The following PGBD2 variants were observed in gnomAD, a reference collection of about 807,000 sequenced individuals.
The protein encoded by PGBD2 is piggyBac transposable element derived 2.
A neutral mutation model predicts 8.1 loss-of-function variants in PGBD2; 6 were observed. The ratio of observed to expected loss-of-function variants is 0.74; its 90% CI spans 0.40 to 1.46. PGBD2 has a LOEUF of 1.46. Among genes scored for constraint, PGBD2 ranks in the 40% most tolerant of loss-of-function variants. PGBD2 has a pLI of 0.02. For missense variants in PGBD2, 802 were observed against 739.0 expected, an observed-to-expected ratio of 1.09 and a Z score of -0.99; for synonymous variants, 318 against 272.2, an observed-to-expected ratio of 1.17 and a Z score of -1.66.
At chr1:248,875,223 G>C in the PGBD2 span, among the ~76,000 whole-genome samples, 3 of 151,016 alleles carry the variant, frequency 2.0e-5, no homozygotes, top group Non-Finnish European at 4.4e-5. Flanking sequence ...GTGAACCTGG[G>C]AGGCGGAGGT....
Position 248,918,918 on chromosome 1 carries a change from T to G in PGBD2, c.*555T>G, listed in dbSNP as rs1662218106. ...TTTTCCTAATACACATATATCAATG[T>G]GAGATTCATTTTTGTAAAAAAAATT... On this transcript the variant is annotated 3_prime_UTR_variant, in exon 3 of 3. Transcript: ENST00000329291. The G allele has an allele frequency of 6.0e-6, 1 of 167,024 alleles. No homozygotes were observed. The highest frequency in any genetic ancestry group is 2.4e-5 in the African/African-American group (1 of 41,430). 10.3% of individuals were successfully genotyped at this position (167,024 alleles called of 1,614,324 possible).
rs144714851 is a variant in PGBD2, at chr1:248,918,817, A to G, written c.*454A>G. 1 of 167,118 alleles carries G rather than the reference A, an allele frequency of 6.0e-6. No individual in the cohort carries two copies. Among genetic ancestry groups the G allele is most frequent in the East Asian group, 1.9e-4 (1 of 5,192 alleles). The allele number at this position is 167,118 out of a possible 1,614,324, so 10.4% of individuals were successfully genotyped here. A position where few individuals can be genotyped will look rare whatever the true frequency, so the allele number is the denominator to read the frequency against. ...TTTCATATTAATCCAAGTTTATCAA[A>G]CTTTTGAGGGATAATCTGCCTTGTA... On this transcript the variant is annotated 3_prime_UTR_variant, in exon 3 of 3. Coordinates refer to ENST00000329291, the MANE Select transcript of PGBD2 (RefSeq NM_170725.3).
chr1:248,925,149 C>A, the PGBD2 span, among the ~76,000 whole-genome samples: 3 of 152,138 alleles, frequency 2.0e-5, no homozygotes, highest in African/African-American at 7.2e-5. Context: ...AGCACATTCA[C>A]ACGTGTGTCA....
chr1:248,929,734 G>A, the PGBD2 span, among the ~76,000 whole-genome samples: 2 of 152,170 alleles, frequency 1.3e-5, no homozygotes, highest in South Asian at 4.1e-4. Context: ...AAATCATAGC[G>A]AGTTAAAGGT....
the PGBD2 span, among the ~76,000 whole-genome samples, chr1:248,900,916 T>C: frequency 6.6e-6 from 1 of 152,112 alleles, no homozygotes; most frequent in Non-Finnish European, 1.5e-5. Context: ...AGTCAGTGTA[T>C]GAAAATCACA....
At chr1:248,904,097 C>T (rs1403296512), upstream of PGBD2, among the ~76,000 whole-genome samples, 3 of 151,470 alleles carry the variant, frequency 2.0e-5, no homozygotes, top group East Asian at 5.8e-4. Flanking sequence ...TTGTTAACTC[C>T]CTAAAGCAAG....
At chr1:248,887,413 T>C in the PGBD2 span, among the ~76,000 whole-genome samples, 1 of 152,166 alleles carries the variant, frequency 6.6e-6, no homozygotes, top group Non-Finnish European at 1.5e-5. Context: ...GGCCCTGAGT[T>C]TGAGTTTGTT....
intron 1 of PGBD2, among the ~76,000 whole-genome samples, chr1:248,909,887 G>A (rs1424524048): frequency 6.6e-6 from 1 of 152,236 alleles, no homozygotes; most frequent in Non-Finnish European, 1.5e-5. Context: ...GGGTCGGGAT[G>A]AGGCTGGGGA....
At chr1:248,883,103 A>C in the PGBD2 span, among the ~76,000 whole-genome samples, 1 of 152,044 alleles carries the variant, frequency 6.6e-6, no homozygotes, top group African/African-American at 2.4e-5. Flanking sequence ...CTAGTTTTTA[A>C]AGAATTTCTT....
intron 1 of PGBD2, among the ~76,000 whole-genome samples, chr1:248,911,095 T>G (rs1355163760): frequency 1.3e-5 from 2 of 151,768 alleles, no homozygotes; most frequent in African/African-American, 4.9e-5. Context: ...TTAGCTTACA[T>G]TTTCTAGGGT....
downstream of PGBD2, among the ~76,000 whole-genome samples, chr1:248,924,310 A>T (rs547248212): frequency 8.5e-5 from 13 of 152,328 alleles, no homozygotes; most frequent in East Asian, 2.5e-3. Context: ...TGGCGTGCAA[A>T]CCCAAGCCAG....
rs1662210069 is a variant in PGBD2 at position 248,918,722 on chromosome 1, G to T, written c.*359G>T. 6.0e-6 allele frequency: 1 copy of T among 167,510 alleles called. No individual in the cohort carries two copies. The highest frequency in any genetic ancestry group is 1.5e-5 in the Non-Finnish European group (1 of 68,530). The allele number at this position is 167,510 out of a possible 1,614,324, so 10.4% of individuals were successfully genotyped here. A position where few individuals can be genotyped will look rare whatever the true frequency, so the allele number is the denominator to read the frequency against. Reference sequence around the variant, plus strand: ...GAAGACTTTACCATTGCATGCCATGGTTTATAATCTAAGATAGGCAATAGT... The same window carrying T: ...GAAGACTTTACCATTGCATGCCATGTTTTATAATCTAAGATAGGCAATAGT... On this transcript the variant is annotated 3_prime_UTR_variant, in exon 3 of 3. Transcript: ENST00000329291.
At chr1:248,898,785 A>C in the PGBD2 span, among the ~76,000 whole-genome samples, 2 of 152,182 alleles carry the variant, frequency 1.3e-5, no homozygotes, top group East Asian at 3.8e-4. Context: ...AAATGGGCTA[A>C]ATGCTCCAAT....
At chr1:248,881,912 T>C in the PGBD2 span, among the ~76,000 whole-genome samples, 1 of 152,190 alleles carries the variant, frequency 6.6e-6, no homozygotes, top group Non-Finnish European at 1.5e-5. Context: ...TTAATATAAG[T>C]TAAAAAGATT....
the PGBD2 span, among the ~76,000 whole-genome samples, chr1:248,895,566 A>G: frequency 6.6e-6 from 1 of 151,580 alleles, no homozygotes; most frequent in African/African-American, 2.4e-5. Context: ...TTTCTTCATT[A>G]TTTTGGAGGA....
upstream of PGBD2, among the ~76,000 whole-genome samples, chr1:248,904,151 T>G (rs1460897869): frequency 6.6e-6 from 1 of 152,226 alleles, no homozygotes; most frequent in East Asian, 1.9e-4. Flanking sequence ...TTTATGAAAT[T>G]TACTCATAAT....
At position 248,917,382 on chromosome 1, in the gene PGBD2, C is replaced by T. The variant is rs41305584; in HGVS notation, c.798C>T (p.Tyr266=). 4,519 of 1,614,190 alleles carry T rather than the reference C, an allele frequency of 2.8e-3. 10 individuals carry two copies. Among genetic ancestry groups the T allele is most frequent in the Non-Finnish European group, 3.3e-3 (3,930 of 1,180,032 alleles). ...AGCATGCACCCTTGGAAGAGTTCTA[C>T]AGCTTTGGCGAGTCTATGTGTGAGT... ...FQKHAPLEEF[Y]SFGESMCEYF... is the part of the protein sequence containing the mutation. The change falls in exon 3 of 3, where the codon TAC becomes TAT. Residue 266 remains tyrosine (Y), a synonymous_variant. Coordinates refer to ENST00000329291, the MANE Select transcript of PGBD2 (RefSeq NM_170725.3).
At chr1:248,883,665 C>T in the PGBD2 span, among the ~76,000 whole-genome samples, 5,737 of 141,332 alleles carry the variant, frequency 0.041, 360 homozygotes, top group African/African-American at 0.15. Flanking sequence ...GGCACGATCT[C>T]GGCTTACTGC....
At chr1:248,929,548 G>T in the PGBD2 span, among the ~76,000 whole-genome samples, 1 of 152,170 alleles carries the variant, frequency 6.6e-6, no homozygotes, top group African/African-American at 2.4e-5. Context: ...TCCGAGTCAG[G>T]AGCGTCTCCC....
Sources: gnomAD v4.1 joint callset for allele counts (sites outside exome capture counted in the v4.1 genomes callset) on GRCh38, gnomAD v4.1.1 for gene constraint, MANE v1.5 for transcripts, NCBI Gene and HGNC (gene_info 2026-07-23, HGNC 2026-07-21) for gene names.